The following SLC44A1 variants were observed in gnomAD, a reference collection of about 807,000 sequenced individuals.
SLC44A1 encodes the protein choline transporter-like protein 1.
Under a neutral mutation model 79.3 loss-of-function variants are expected in SLC44A1, and 26 were observed. That is an observed-to-expected ratio of 0.33 (90% CI 0.24 to 0.46). SLC44A1 has a LOEUF of 0.46. Ranked by LOEUF, SLC44A1 falls within the 20% of genes least tolerant of loss-of-function variation. SLC44A1 has a pLI of 1.00. For missense variants in SLC44A1, 688 were observed against 798.1 expected (o/e 0.86, Z 1.66); for synonymous variants, 263 against 286.2 (o/e 0.92, Z 0.82).
At chr9:105,333,883 G>C (rs1826830199) in intron 3 of SLC44A1, among the ~76,000 whole-genome samples, 1 of 152,100 alleles carries the variant, frequency 6.6e-6, no homozygotes, top group Non-Finnish European at 1.5e-5. Flanking sequence ...AGTGGTGGTG[G>C]TGGTGGTAGC....
At chr9:105,377,270 T>C (rs542052876) in intron 13 of SLC44A1, among the ~76,000 whole-genome samples, 86 of 152,282 alleles carry the variant, frequency 5.6e-4, no homozygotes, top group Non-Finnish European at 1.1e-3. Flanking sequence ...AAAAGCTGAG[T>C]AAAACTACTG....
intron 12 of SLC44A1, among the ~76,000 whole-genome samples, chr9:105,373,218 A>G (rs531984992): frequency 6.6e-6 from 1 of 152,320 alleles, no homozygotes; most frequent in African/African-American, 2.4e-5. Flanking sequence ...TATCTCCAAC[A>G]GTTTCCCAGC....
intron 2 of SLC44A1, among the ~76,000 whole-genome samples, chr9:105,302,227 G>T (rs1830898649): frequency 6.6e-6 from 1 of 152,042 alleles, no homozygotes; most frequent in East Asian, 1.9e-4. Flanking sequence ...CTGCTCCAAA[G>T]AATTACTTGT....
In SLC44A1 at chr9:105,383,352, T is replaced by C; in HGVS notation, c.1862T>C (p.Val621Ala). 1 of 1,579,256 alleles carries C rather than the reference T, an allele frequency of 6.3e-7. No individual in the cohort carries two copies. Residue 621 changes from valine (V) to alanine (A), a missense_variant, in exon 14 of 16, where the codon GTG (valine) becomes GCG (alanine). Physicochemically the swap from Val to Ala is moderately conservative, Grantham distance 64. Transcript: ENST00000374720. The stretch of plus-strand genomic sequence containing the variant: ...GGCAGAGAATTCTATATGGATAAAG[T>C]GCTGATGGTAAGTACTTCAAATGCC... ...SPGREFYMDK[V>A]LMEFVENSRK...
intron 15 of SLC44A1, among the ~76,000 whole-genome samples, chr9:105,426,448 C>A (rs1829323805): frequency 6.6e-6 from 1 of 152,000 alleles, no homozygotes; most frequent in Non-Finnish European, 1.5e-5. Context: ...AGGTCTTTGC[C>A]CACACATTTT....
intron 12 of SLC44A1, among the ~76,000 whole-genome samples, chr9:105,367,852 G>A (rs1444435277): frequency 2.0e-5 from 3 of 152,022 alleles, no homozygotes; most frequent in Non-Finnish European, 2.9e-5. Context: ...ACACTATATC[G>A]AAGTTATCTG....
chr9:105,329,640 A>C (rs1433857475), intron 3 of SLC44A1, among the ~76,000 whole-genome samples: 1 of 152,042 alleles, frequency 6.6e-6, no homozygotes, highest in Non-Finnish European at 1.5e-5. Flanking sequence ...GAGCTGTAAG[A>C]TCTTCCAGAT....
rs10617928 is a variant in SLC44A1, at chr9:105,418,314, CAAAA to C, written c.1951-19949_1951-19946del. Among the ~76,000 whole-genome samples the C allele has an allele frequency of 1.8e-3, 103 of 57,942 alleles. No individual in the cohort carries two copies. In the South Asian group the frequency reaches 0.032, roughly 18 times the overall value. The allele number at this position is 57,942 out of a possible 152,430, so 38.0% of individuals were successfully genotyped here. A position where few individuals can be genotyped will look rare whatever the true frequency, so the allele number is the denominator to read the frequency against. ...GGGCAACAAGAGCAAAACTCCGTCT[CAAAA>C]AAAAAAAAAAAAAAAAAGAAAGAAA... On this transcript the variant is annotated intron_variant, in intron 15 of 15. Coordinates refer to the SLC44A1 transcript ENST00000374724.
At position 105,337,413 on chromosome 9, in the gene SLC44A1, C is replaced by T. The variant is rs140873608; in HGVS notation, c.406+1714C>T. ...CTTGATACATGAACAATGCTTAGAACAGTATCTGGCAAATATTAAGTTGCT... is the reference window on the plus strand; with the variant it reads ...CTTGATACATGAACAATGCTTAGAATAGTATCTGGCAAATATTAAGTTGCT... On this transcript the variant is annotated intron_variant, in intron 4 of 15. Transcript: ENST00000374720. Among the ~76,000 whole-genome samples, 215 of 152,270 alleles carry T rather than the reference C, an allele frequency of 1.4e-3. 1 individual carries two copies. The highest frequency in any genetic ancestry group is 4.4e-3 in the Admixed American group (67 of 15,284).
intron 3 of SLC44A1, among the ~76,000 whole-genome samples, chr9:105,328,099 A>G (rs1037825830): frequency 6.6e-6 from 1 of 152,284 alleles, no homozygotes; most frequent in Non-Finnish European, 1.5e-5. Context: ...TATAATTACC[A>G]TCTGTTTATT....
intron 4 of SLC44A1, among the ~76,000 whole-genome samples, chr9:105,341,107 G>A (rs925013629): frequency 6.6e-6 from 1 of 152,094 alleles, no homozygotes; most frequent in East Asian, 1.9e-4. Context: ...GGCCAAGGTG[G>A]GTGGATCACC....
chr9:105,435,661 C>G (rs538214960), intron 15 of SLC44A1, among the ~76,000 whole-genome samples: 2 of 152,208 alleles, frequency 1.3e-5, no homozygotes, highest in Admixed American at 1.3e-4. Flanking sequence ...CTTTGTGACT[C>G]CAGGAGGCCT....
At chr9:105,287,469 T>C (rs1245832457) in intron 1 of SLC44A1, among the ~76,000 whole-genome samples, 1 of 152,222 alleles carries the variant, frequency 6.6e-6, no homozygotes, top group Non-Finnish European at 1.5e-5. Flanking sequence ...CATTTTATAA[T>C]ATGTACAGTA....
intron 15 of SLC44A1, among the ~76,000 whole-genome samples, chr9:105,434,328 G>A (rs540610961): frequency 6.0e-4 from 91 of 151,798 alleles, no homozygotes; most frequent in African/African-American, 2.1e-3. Flanking sequence ...GTGACAGAGC[G>A]AGACTCCATC....
At chr9:105,244,966 C>T in intron 1 of SLC44A1, 62 bp downstream of exon 1, 9 of 803,000 alleles carry the variant, frequency 1.1e-5, no homozygotes, top group East Asian at 6.4e-5. Flanking sequence ...CGTCGCGCGG[C>T]GGGCGCCCGC....
chr9:105,370,686 C>T (rs949316531), intron 12 of SLC44A1, among the ~76,000 whole-genome samples: 1 of 152,118 alleles, frequency 6.6e-6, no homozygotes, highest in Non-Finnish European at 1.5e-5. Context: ...GCATTCTCCT[C>T]GTGTAAGCTG....
At chr9:105,248,583 A>G (rs553487149) in intron 1 of SLC44A1, among the ~76,000 whole-genome samples, 58 of 152,342 alleles carry the variant, frequency 3.8e-4, no homozygotes, top group Non-Finnish European at 7.9e-4. Flanking sequence ...ATTAGTGACC[A>G]TTACAAGTTG....
At chr9:105,423,013 T>C (rs941739009) in intron 15 of SLC44A1, among the ~76,000 whole-genome samples, 3 of 152,172 alleles carry the variant, frequency 2.0e-5, no homozygotes, top group African/African-American at 7.2e-5. Context: ...TAGGTACTTA[T>C]TGAATGAACA....
intron 7 of SLC44A1, among the ~76,000 whole-genome samples, chr9:105,360,270 G>T (rs531986563): frequency 6.6e-6 from 1 of 152,088 alleles, no homozygotes; most frequent in Admixed American, 6.5e-5. Context: ...TACCAGTGAG[G>T]CCTTGCTTAC....
Sources: allele counts gnomAD v4.1 joint callset (sites outside exome capture counted in the v4.1 genomes callset), GRCh38; gene constraint gnomAD v4.1.1; transcripts MANE v1.5; gene names NCBI Gene and HGNC (gene_info 2026-07-23, HGNC 2026-07-21).